Variants in UCHL5 observed in about 807,000 individuals in gnomAD.
UCHL5 encodes ubiquitin carboxyl-terminal hydrolase isozyme L5.
In UCHL5, 34 loss-of-function variants were observed where a neutral mutation model predicts 53.8. That is an observed-to-expected ratio of 0.63 (90% CI 0.48 to 0.84). UCHL5 has a LOEUF of 0.84. Among genes scored for constraint, UCHL5 ranks in the 40% least tolerant of loss-of-function variants. The probability of loss-of-function intolerance (pLI) is 0.00; values close to 1 mark genes in which losing one functional copy is unlikely to be tolerated. For missense variants in UCHL5, 290 were observed against 385.6 expected (o/e 0.75, Z 2.08); for synonymous variants, 111 against 126.3 (o/e 0.88, Z 0.81).
intron 10 of UCHL5, chr1:193,018,959 TTATTC>T (rs1655886748): frequency 8.5e-6 from 5 of 591,178 alleles, no homozygotes; most frequent in Non-Finnish European, 1.3e-5. Context: ...AATCTAATCT[TTATTC>T]TAACAGTTTT....
At chr1:193,018,816 T>G (rs1655809338) in intron 10 of UCHL5, 2 of 1,564,526 alleles carry the variant, frequency 1.3e-6, no homozygotes, top group African/African-American at 2.7e-5. Context: ...TTTATCCTAT[T>G]TTCCCTGAAA....
rs1044670331 is a variant in UCHL5, at chr1:193,015,302, T to C, written c.*1049A>G. On this transcript the variant is annotated 3_prime_UTR_variant, in exon 11 of 11. Transcript: ENST00000367454. ...AAAATGTTAAAGTCATGTATCAACC[T>C]CAGAAATATTCTTGATAAAGAAAAA... The C allele has an allele frequency of 2.0e-5, 3 of 152,032 alleles. No individual in the cohort carries two copies. Among genetic ancestry groups the C allele is most frequent in the Non-Finnish European group, 2.9e-5 (2 of 67,936 alleles). The allele number at this position is 152,032 out of a possible 1,614,324, so 9.4% of individuals were successfully genotyped here.
chr1:193,018,395 C>T (rs1655608464), intron 10 of UCHL5: 1 of 524,732 alleles, frequency 1.9e-6, no homozygotes, highest in Non-Finnish European at 2.4e-6. Flanking sequence ...AAATAGAAGT[C>T]TCACAAATGT....
chr1:193,048,389 A>G (rs1361769858), intron 3 of UCHL5, among the ~76,000 whole-genome samples: 1 of 152,260 alleles, frequency 6.6e-6, no homozygotes, highest in African/African-American at 2.4e-5. Context: ...CAACAATATC[A>G]TATCTAATGT....
intron 9 of UCHL5, 29 bp from the exon 10 acceptor site, chr1:193,021,224 C>G: frequency 7.1e-7 from 1 of 1,401,168 alleles, no homozygotes; most frequent in Non-Finnish European, 1.0e-6. Flanking sequence ...TCCACACTAA[C>G]TACATTTCTG....
intron 3 of UCHL5, among the ~76,000 whole-genome samples, chr1:193,046,582 C>G (rs184427814): frequency 6.6e-6 from 1 of 150,518 alleles, no homozygotes; most frequent in African/African-American, 2.4e-5. Flanking sequence ...TGATGAGAAG[C>G]CTGCAAAACC....
At chr1:193,053,610 A>G (rs1669743017) in intron 1 of UCHL5, among the ~76,000 whole-genome samples, 1 of 152,148 alleles carries the variant, frequency 6.6e-6, no homozygotes, top group Admixed American at 6.6e-5. Context: ...AAAGAACACA[A>G]TTTCTTTGAG....
chr1:193,020,001 A>G (rs1387265816), intron 10 of UCHL5: 8 of 984,694 alleles, frequency 8.1e-6, no homozygotes, highest in South Asian at 9.4e-5. Flanking sequence ...TAACCAAGCA[A>G]TTTTGAGAAC....
intron 3 of UCHL5, among the ~76,000 whole-genome samples, chr1:193,043,312 G>A (rs867150446): frequency 2.0e-5 from 3 of 151,686 alleles, no homozygotes; most frequent in African/African-American, 7.3e-5. Flanking sequence ...AGCTACATTG[G>A]TCTTCTTCCT....
At chr1:193,034,035 T>C (rs1662480348) in intron 3 of UCHL5, among the ~76,000 whole-genome samples, 1 of 152,058 alleles carries the variant, frequency 6.6e-6, no homozygotes, top group Non-Finnish European at 1.5e-5. Flanking sequence ...TAATTAGGAG[T>C]TTACCCAAAG....
chr1:193,023,835 G>A lies in UCHL5; in HGVS notation c.732+9C>T, dbSNP rs990357427. 6.2e-6 allele frequency: 10 copies of A among 1,603,412 alleles called. No homozygotes were observed. Among genetic ancestry groups the A allele is most frequent in the Non-Finnish European group, 7.7e-6 (9 of 1,172,906 alleles). On this transcript the variant is annotated intron_variant, in intron 8 of 10. Transcript: ENST00000367454. ...CTAGAACTTTGTACTTAGAAACATG[G>A]CCACGAACCTCTGCAAGTTGTCTTT...
chr1:193,016,617 C>T (rs984143824), intron 10 of UCHL5, among the ~76,000 whole-genome samples: 1 of 151,726 alleles, frequency 6.6e-6, no homozygotes, highest in African/African-American at 2.4e-5. Context: ...GTTTGGTTTG[C>T]AGTTCTTTCC....
intron 1 of UCHL5, among the ~76,000 whole-genome samples, chr1:193,058,079 T>C (rs1483578108): frequency 6.6e-6 from 1 of 150,378 alleles, no homozygotes; most frequent in Non-Finnish European, 1.5e-5. Flanking sequence ...AAAAAAAAAT[T>C]AGCCGGGCAT....
At chr1:193,021,290 T>TG in intron 9 of UCHL5, 95 bp from the exon 10 acceptor site, 1 of 725,806 alleles carries the variant, frequency 1.4e-6, no homozygotes, top group Admixed American at 2.8e-5. Context: ...GGTATATCCA[T>TG]TCTCATAAGA....
At chr1:193,042,971 G>A (rs1424391910) in intron 3 of UCHL5, among the ~76,000 whole-genome samples, 8 of 151,804 alleles carry the variant, frequency 5.3e-5, no homozygotes, top group Non-Finnish European at 1.0e-4. Flanking sequence ...ATGTGACACA[G>A]GCAAATTCTA....
intron 3 of UCHL5, among the ~76,000 whole-genome samples, chr1:193,040,848 T>G (rs1476690941): frequency 6.6e-6 from 1 of 152,148 alleles, no homozygotes; most frequent in South Asian, 2.1e-4. Flanking sequence ...TGGAGCAATA[T>G]GGAAATGGAG....
rs938736182 is a variant in UCHL5, at chr1:193,052,007, T to C, written c.77-190A>G. Reference sequence around the variant, plus strand: ...ATTTACAGTGGGAGTATATTTATAATTTAAAGAGTTTCAAGAGTTTATTTT... The same window carrying C: ...ATTTACAGTGGGAGTATATTTATAACTTAAAGAGTTTCAAGAGTTTATTTT... On this transcript the variant is annotated intron_variant, in intron 1 of 10. Transcript: ENST00000367454. Among the ~76,000 whole-genome samples, 3 of 152,142 alleles carry C rather than the reference T, an allele frequency of 2.0e-5. No homozygotes were observed. In the South Asian group the frequency reaches 6.2e-4, roughly 31 times the overall value.
intron 10 of UCHL5, chr1:193,018,310 T>C (rs149764249): frequency 0.011 from 2,333 of 210,760 alleles, 21 homozygotes; most frequent in South Asian, 0.032. Context: ...TAGTTAAAAA[T>C]TTAAGATAGA....
upstream of UCHL5, chr1:193,059,922 G>T: frequency 7.3e-7 from 1 of 1,366,130 alleles, no homozygotes; most frequent in Non-Finnish European, 9.8e-7. This position sits in a 1 kb window ranked among gnomAD's most constrained non-coding sequence, Gnocchi z 4.9. Flanking sequence ...TCCCCGTCCC[G>T]CTTCCGCGCC....
Sources: allele counts gnomAD v4.1 joint callset (sites outside exome capture counted in the v4.1 genomes callset), GRCh38; gene constraint gnomAD v4.1.1; non-coding constraint Gnocchi (gnomAD v3.1); transcripts MANE v1.5; gene names NCBI Gene and HGNC (gene_info 2026-07-23, HGNC 2026-07-21).